The following XIRP2 variants were observed in gnomAD, a reference collection of about 807,000 sequenced individuals.
XIRP2 encodes xin actin binding repeat containing 2.
A neutral mutation model predicts 277.0 loss-of-function variants in XIRP2; 236 were observed. The observed-to-expected ratio is 0.85, with a 90% CI of 0.77 to 0.95. XIRP2 has a LOEUF of 0.95. Ranked by LOEUF, XIRP2 falls within the 40% of genes least tolerant of loss-of-function variation. The pLI is 0.00. For missense variants in XIRP2, 4,640 were observed against 4,157.5 expected, an observed-to-expected ratio of 1.12 and a Z score of -3.19; for synonymous variants, 1,490 against 1,416.5, an observed-to-expected ratio of 1.05 and a Z score of -1.17.
At position 167,247,391 on chromosome 2, in the gene XIRP2, C is replaced by G. The variant is rs1204753105; in HGVS notation, c.5999C>G (p.Thr2000Ser). 6.2e-7 allele frequency: 1 copy of G among 1,613,714 alleles called. No individual in the cohort carries two copies. Among genetic ancestry groups the G allele is most frequent in the South Asian group, 1.1e-5 (1 of 91,074 alleles). ...WQGGADTLSQ[T>S]MGKSCHGNLV... Reference sequence around the variant, plus strand: ...GGGGGAGCAGATACTCTCAGTCAAACTATGGGGAAATCTTGCCATGGCAAT... The same window carrying G: ...GGGGGAGCAGATACTCTCAGTCAAAGTATGGGGAAATCTTGCCATGGCAAT... Residue 2000 changes from threonine (T) to serine (S), a missense_variant, in exon 9 of 11, where the codon ACT becomes AGT. Transcript: ENST00000409195.
chr2:167,029,590 C>A (rs1371331427), intron 2 of XIRP2, among the ~76,000 whole-genome samples: 1 of 152,046 alleles, frequency 6.6e-6, no homozygotes, highest in African/African-American at 2.4e-5. Flanking sequence ...TTTTGGTGTG[C>A]TGCTGGAATC....
intron 2 of XIRP2, among the ~76,000 whole-genome samples, chr2:167,111,459 G>A (rs776078199): frequency 2.6e-5 from 4 of 151,908 alleles, no homozygotes; most frequent in African/African-American, 4.8e-5. Context: ...TAGTTTTGTT[G>A]GTGTGCTGAA....
intron 5 of XIRP2, among the ~76,000 whole-genome samples, chr2:167,226,473 A>G (rs1018529133): frequency 1.3e-5 from 2 of 152,190 alleles, no homozygotes; most frequent in African/African-American, 4.8e-5. Context: ...TCAAGTTATG[A>G]AGTAAATTAA....
intron 3 of XIRP2, among the ~76,000 whole-genome samples, chr2:167,182,525 G>T (rs16853163): frequency 1.3e-5 from 2 of 152,034 alleles, no homozygotes; most frequent in Admixed American, 6.5e-5. Context: ...ATCACCCAAC[G>T]TAGTGCTTGT....
At chr2:167,129,667 T>C (rs1254654521) in intron 2 of XIRP2, among the ~76,000 whole-genome samples, 1 of 152,068 alleles carries the variant, frequency 6.6e-6, no homozygotes, top group Non-Finnish European at 1.5e-5. Context: ...GGTTGGGAGT[T>C]CGAGAACAGC....
chr2:167,153,903 T>G (rs1692101469), intron 3 of XIRP2, among the ~76,000 whole-genome samples: 1 of 151,456 alleles, frequency 6.6e-6, no homozygotes, highest in Admixed American at 6.6e-5. Context: ...GCATGATTTA[T>G]AGTCCTTTGG....
Position 167,045,888 on chromosome 2 carries a change from C to T in XIRP2, c.409-90021C>T, listed in dbSNP as rs568508117. Reference sequence around the variant, plus strand: ...CCCAACAATCCCATTACAGAAATCCCGGCCGTTGCCCATTCAGTATGATGT... The same window carrying T: ...CCCAACAATCCCATTACAGAAATCCTGGCCGTTGCCCATTCAGTATGATGT... On this transcript the variant is annotated intron_variant, in intron 2 of 10. Transcript: ENST00000409195. Among the ~76,000 whole-genome samples the T allele has an allele frequency of 1.6e-3, 240 of 152,068 alleles. 3 individuals are homozygous for T. The highest frequency in any genetic ancestry group is 5.6e-3 in the Admixed American group (85 of 15,242).
Position 167,258,977 on chromosome 2 carries a change from A to T in XIRP2, c.*1160A>T, listed in dbSNP as rs759323118. 6.2e-7 allele frequency: 1 copy of T among 1,612,132 alleles called. No homozygotes were observed. Among genetic ancestry groups the T allele is most frequent in the Non-Finnish European group, 8.5e-7 (1 of 1,179,036 alleles). On this transcript the variant is annotated 3_prime_UTR_variant, in exon 11 of 11. Transcript: ENST00000409195. ...CAGAGGCCTTATGGTAAAGGGGGGA[A>T]GTTCAATCATCTCTCCTGATACAAA... is the stretch of plus-strand genomic sequence containing the variant.
chr2:166,965,530 T>C (rs2105413110), intron 2 of XIRP2, among the ~76,000 whole-genome samples: 1 of 151,962 alleles, frequency 6.6e-6, no homozygotes, highest in Non-Finnish European at 1.5e-5. Flanking sequence ...AGATACTCAA[T>C]TGTCTTCTTA....
At chr2:166,949,565 G>C (rs537920771) in intron 2 of XIRP2, among the ~76,000 whole-genome samples, 1 of 152,146 alleles carries the variant, frequency 6.6e-6, no homozygotes, top group South Asian at 2.1e-4. Context: ...CATTGCCTTA[G>C]TTTTATTTCT....
chr2:166,926,029 G>T (rs538068641), intron 2 of XIRP2, among the ~76,000 whole-genome samples: 69 of 151,996 alleles, frequency 4.5e-4, no homozygotes, highest in Middle Eastern at 3.4e-3. Context: ...AGCTACAATG[G>T]TGCTACTGTA....
chr2:167,114,484 G>A (rs1690840323), intron 2 of XIRP2, among the ~76,000 whole-genome samples: 2 of 151,972 alleles, frequency 1.3e-5, no homozygotes, highest in Non-Finnish European at 2.9e-5. Context: ...TAGGGTACAT[G>A]TGCACAATGT....
At chr2:167,141,418 A>T (rs1194723157) in intron 3 of XIRP2, among the ~76,000 whole-genome samples, 13 of 152,198 alleles carry the variant, frequency 8.5e-5, no homozygotes, top group Admixed American at 7.2e-4. Context: ...ATTTTCTAAC[A>T]GGAGATCATA....
intron 2 of XIRP2, among the ~76,000 whole-genome samples, chr2:166,911,599 G>A (rs1684701886): frequency 1.3e-5 from 2 of 152,092 alleles, no homozygotes; most frequent in South Asian, 2.1e-4. Context: ...GGAGCATTTA[G>A]CCCATTTCAA....
intron 2 of XIRP2, among the ~76,000 whole-genome samples, chr2:167,065,661 C>T (rs764142306): frequency 8.3e-4 from 126 of 151,938 alleles, no homozygotes; most frequent in Non-Finnish European, 1.6e-3. Flanking sequence ...TTGTGTTCCT[C>T]CACACTGTCA....
intron 2 of XIRP2, among the ~76,000 whole-genome samples, chr2:167,039,065 G>A (rs757013782): frequency 4.6e-5 from 7 of 151,844 alleles, no homozygotes; most frequent in Non-Finnish European, 8.8e-5. Flanking sequence ...TCCCAAGAAC[G>A]ATTTGGTGTA....
intron 2 of XIRP2, among the ~76,000 whole-genome samples, chr2:166,976,202 A>G (rs1205889612): frequency 6.6e-6 from 1 of 152,098 alleles, no homozygotes; most frequent in African/African-American, 2.4e-5. Context: ...AAGCCAAATC[A>G]ATATCCTGAT....
intron 2 of XIRP2, among the ~76,000 whole-genome samples, chr2:167,012,172 T>C (rs1040920800): frequency 2.0e-5 from 3 of 151,974 alleles, no homozygotes; most frequent in Non-Finnish European, 2.9e-5. Context: ...ATTTTGGATC[T>C]TTCCTGCTTT....
chr2:167,251,313 GCA>G lies in XIRP2; in HGVS notation c.9928_9929del (p.Gln3310GlufsTer3), dbSNP rs760433009. The G allele has an allele frequency of 1.1e-5, 18 of 1,613,620 alleles. No homozygotes were observed. The highest frequency in any genetic ancestry group is 1.4e-5 in the Non-Finnish European group (17 of 1,179,710). On this transcript the variant is annotated frameshift_variant, in exon 9 of 11. Coordinates refer to ENST00000409195, the MANE Select transcript of XIRP2 (RefSeq NM_152381.6). LOFTEE classifies it high-confidence loss of function. ...KVAVPPRLSE[H>X]TQRYEAANRT... The stretch of plus-strand genomic sequence containing the variant: ...TTGCAGTGCCTCCTCGCCTGTCAGA[GCA>G]CACACAGAGATATGAAGCGGCCAAC...
Sources: gnomAD v4.1 joint callset for allele counts (sites outside exome capture counted in the v4.1 genomes callset) on GRCh38, gnomAD v4.1.1 for gene constraint, MANE v1.5 for transcripts, NCBI Gene and HGNC (gene_info 2026-07-23, HGNC 2026-07-21) for gene names.